Variants in ZNF365 observed in about 807,000 individuals in gnomAD.
The protein encoded by ZNF365 is zinc finger protein 365, also known as protein ZNF365.
Under a neutral mutation model 35.0 loss-of-function variants are expected in ZNF365, and 22 were observed. The observed-to-expected ratio is 0.63, with a 90% CI of 0.45 to 0.90. The LOEUF is 0.90. Ranked by LOEUF, ZNF365 falls within the 40% of genes least tolerant of loss-of-function variation. The pLI, the probability that ZNF365 is intolerant of heterozygous loss-of-function variation, is 0.00. For synonymous variants in ZNF365, 188 were observed against 196.2 expected, an observed-to-expected ratio of 0.96 and a Z score of 0.35; for missense variants, 448 against 500.3, an observed-to-expected ratio of 0.90 and a Z score of 1.00.
At chr10:62,428,042 A>G (rs1040512743) in intron 3 of ZNF365, among the ~76,000 whole-genome samples, 1 of 152,184 alleles carries the variant, frequency 6.6e-6, no homozygotes, top group Admixed American at 6.5e-5. Flanking sequence ...GTTTAGTTAG[A>G]GAACCAGTTT....
intron 3 of ZNF365, among the ~76,000 whole-genome samples, chr10:62,394,712 A>G (rs997826348): frequency 1.3e-5 from 2 of 152,230 alleles, no homozygotes; most frequent in African/African-American, 4.8e-5. Context: ...ATTTCAGCAA[A>G]GACACTAAAT....
intron 3 of ZNF365, among the ~76,000 whole-genome samples, chr10:62,416,442 T>C (rs536831911): frequency 1.2e-4 from 19 of 152,232 alleles, no homozygotes; most frequent in African/African-American, 4.3e-4. Context: ...TTCCTAATAC[T>C]GAATCTCAAA....
intron 3 of ZNF365, among the ~76,000 whole-genome samples, chr10:62,413,873 C>T (rs1050547480): frequency 6.6e-6 from 1 of 152,144 alleles, no homozygotes; most frequent in Admixed American, 6.6e-5. Context: ...TTGTAAACAA[C>T]GTGAAACAGA....
intron 4 of ZNF365, among the ~76,000 whole-genome samples, chr10:62,465,046 G>T (rs1390140891): frequency 6.6e-6 from 1 of 152,226 alleles, no homozygotes; most frequent in African/African-American, 2.4e-5. Context: ...CCCAGCTACA[G>T]CTCCAGATCC....
intron 3 of ZNF365, among the ~76,000 whole-genome samples, chr10:62,408,559 G>A (rs1218556418): frequency 6.6e-6 from 1 of 152,080 alleles, no homozygotes; most frequent in African/African-American, 2.4e-5. Context: ...TCCATATAAG[G>A]TTTTTAGCAT....
chr10:62,403,313 G>A (rs368142315), downstream of ZNF365, among the ~76,000 whole-genome samples: 5 of 152,316 alleles, frequency 3.3e-5, no homozygotes, highest in East Asian at 5.8e-4. Context: ...TGAGGAGGAA[G>A]AGGAGGAGGA....
chr10:62,376,356 G>A lies in ZNF365; in HGVS notation c.163G>A (p.Glu55Lys). 6.2e-7 allele frequency: 1 copy of A among 1,614,166 alleles called. No homozygotes were observed. Residue 55 changes from glutamate (E) to lysine (K), a missense_variant, in exon 2 of 5, where the codon GAA becomes AAA. Transcript: ENST00000395254. ...AHLEFSHSYE[E>K]RTLLTKCSLF... Reference sequence around the variant, plus strand: ...TCTGGAGTTCAGTCACAGCTACGAAGAAAGAACCCTCTTGACAAAATGCAG... The same window carrying A: ...TCTGGAGTTCAGTCACAGCTACGAAAAAAGAACCCTCTTGACAAAATGCAG...
Position 62,428,093 on chromosome 10 carries a change from A to G in ZNF365, c.925-31648A>G, listed in dbSNP as rs993537246. Among the ~76,000 whole-genome samples the G allele has an allele frequency of 1.5e-4, 23 of 152,210 alleles. No homozygotes were observed. The East Asian group carries it at 3.3e-3, about 22-fold the overall frequency. On this transcript the variant is annotated intron_variant, in intron 3 of 4. Coordinates refer to the ZNF365 transcript ENST00000395255. ...CCTTGCTTGCTATAGTGTTGATCCT[A>G]CGTGATTAATTCCCTGCGTGTCAGG...
intron 3 of ZNF365, among the ~76,000 whole-genome samples, chr10:62,396,393 C>T (rs531917703): frequency 6.6e-6 from 1 of 152,284 alleles, no homozygotes; most frequent in Non-Finnish European, 1.5e-5. Context: ...CCTTAGCTTC[C>T]GTATCTCTAA....
downstream of ZNF365, among the ~76,000 whole-genome samples, chr10:62,403,031 A>G (rs1178444196): frequency 2.0e-5 from 3 of 151,948 alleles, no homozygotes; most frequent in African/African-American, 7.3e-5. Flanking sequence ...AGGGACATCG[A>G]CTCCTGCGTA....
chr10:62,474,196 C>A (rs534528336), intron 4 of ZNF365, among the ~76,000 whole-genome samples: 2 of 152,298 alleles, frequency 1.3e-5, no homozygotes, highest in Admixed American at 6.5e-5. Flanking sequence ...GCAATAAGAA[C>A]CCCATGATCA....
intron 3 of ZNF365, among the ~76,000 whole-genome samples, chr10:62,441,584 G>T (rs1038596480): frequency 7.2e-5 from 11 of 152,034 alleles, no homozygotes; most frequent in African/African-American, 2.7e-4. Flanking sequence ...AGATGCAAGG[G>T]CCTGGTAATA....
chr10:62,450,120 A>G (rs767830293), intron 3 of ZNF365, among the ~76,000 whole-genome samples: 60 of 152,102 alleles, frequency 3.9e-4, no homozygotes, highest in Admixed American at 2.0e-3. Context: ...TAAAAAAAAA[A>G]TTTTAAGACT....
chr10:62,451,050 T>C (rs1840676190), intron 3 of ZNF365, among the ~76,000 whole-genome samples: 1 of 152,178 alleles, frequency 6.6e-6, no homozygotes, highest in South Asian at 2.1e-4. Context: ...ACCTATAAAT[T>C]CATCCACACA....
intron 2 of ZNF365, among the ~76,000 whole-genome samples, chr10:62,382,670 G>A (rs115040191): frequency 1.1e-4 from 16 of 152,294 alleles, no homozygotes; most frequent in African/African-American, 9.6e-5. Context: ...GCCTTAAGAC[G>A]TGCAGTTGTT....
chr10:62,393,567 A>G (rs893329587), intron 3 of ZNF365, among the ~76,000 whole-genome samples: 23 of 152,238 alleles, frequency 1.5e-4, no homozygotes, highest in African/African-American at 5.5e-4. Context: ...GACTGTGTAT[A>G]TGTGTGTGCC....
At chr10:62,473,900 G>A (rs79296416) in intron 4 of ZNF365, among the ~76,000 whole-genome samples, 1 of 152,142 alleles carries the variant, frequency 6.6e-6, no homozygotes, top group African/African-American at 2.4e-5. Flanking sequence ...AAGGATGAAG[G>A]TTCCTTCTTT....
intron 3 of ZNF365, among the ~76,000 whole-genome samples, chr10:62,424,694 G>A (rs775490858): frequency 6.6e-6 from 1 of 152,118 alleles, no homozygotes; most frequent in East Asian, 1.9e-4. Context: ...GTCTGGGAAC[G>A]ACCGCTCCAA....
chr10:62,477,291 T>A (rs2132496437), intron 4 of ZNF365, among the ~76,000 whole-genome samples: 1 of 152,256 alleles, frequency 6.6e-6, no homozygotes, highest in East Asian at 1.9e-4. Context: ...CTTAGAGGTA[T>A]CCTGGTGAAA....
Sources: allele counts gnomAD v4.1 joint callset (sites outside exome capture counted in the v4.1 genomes callset), GRCh38; gene constraint gnomAD v4.1.1; transcripts MANE v1.5; gene names NCBI Gene and HGNC (gene_info 2026-07-23, HGNC 2026-07-21).